SLC5A4: variants seen among roughly 807,000 people sequenced by gnomAD.
SLC5A4 encodes the protein probable glucose sensor protein SLC5A4.
In SLC5A4, 55 loss-of-function variants were observed where a neutral mutation model predicts 70.3. That is an observed-to-expected ratio of 0.78 (90% CI 0.63 to 0.98). The LOEUF (loss-of-function observed/expected upper bound fraction) is 0.98. Among genes scored for constraint, SLC5A4 ranks in the 50% least tolerant of loss-of-function variants. SLC5A4 has a pLI of 0.00. For missense variants in SLC5A4, 735 were observed against 839.2 expected (o/e 0.88, Z 1.53); for synonymous variants, 268 against 305.7 (o/e 0.88, Z 1.29).
intron 7 of SLC5A4, among the ~76,000 whole-genome samples, chr22:32,236,705 ATTT>A (rs551794690): frequency 1.4e-5 from 2 of 142,856 alleles, no homozygotes. Flanking sequence ...CTAAGCAGTA[ATTT>A]TTTTTTTTTT....
intron 9 of SLC5A4, 132 bp downstream of exon 9, chr22:32,232,767 C>T (rs1038636264): frequency 9.6e-6 from 11 of 1,142,090 alleles, no homozygotes; most frequent in Non-Finnish European, 1.2e-5. Flanking sequence ...ACTGTGCAGG[C>T]TGCTCCCTCC....
chr22:32,281,080 G>A, the SLC5A4 span, among the ~76,000 whole-genome samples: 1 of 152,152 alleles, frequency 6.6e-6, no homozygotes, highest in Non-Finnish European at 1.5e-5. Flanking sequence ...ATCATATTCC[G>A]AAATTAGACT....
At chr22:32,221,206 T>A (rs1219257376) in intron 13 of SLC5A4, among the ~76,000 whole-genome samples, 184 bp from the exon 14 acceptor site, 7 of 152,194 alleles carry the variant, frequency 4.6e-5, no homozygotes, top group Non-Finnish European at 1.5e-5. Context: ...ATTTTAAATT[T>A]TTTTCTGTTT....
chr22:32,324,271 A>ACATATGTATTTG, the SLC5A4 span, among the ~76,000 whole-genome samples: 1 of 139,116 alleles, frequency 7.2e-6, no homozygotes, highest in African/African-American at 2.5e-5. Context: ...ATATATGTAT[A>ACATATGTATTTG]TATATATACA....
chr22:32,306,437 G>C, the SLC5A4 span, among the ~76,000 whole-genome samples: 3 of 148,584 alleles, frequency 2.0e-5, no homozygotes, highest in Non-Finnish European at 4.4e-5. Context: ...CTGCACTCCA[G>C]CCTGGGCGAC....
chr22:32,248,951 T>C lies in SLC5A4; in HGVS notation c.313-149A>G. 3 of 591,280 alleles carry C rather than the reference T, an allele frequency of 5.1e-6. No homozygotes were observed. The South Asian group carries it at 7.4e-5, about 15-fold the overall frequency. The allele number at this position is 591,280 out of a possible 1,614,324, so 36.6% of individuals were successfully genotyped here. ...AACAACTATAATCCCAAGACAATTGTGAGTTCCTTTTTTTCTGTTTCTATG... is the reference window on the plus strand; with the variant it reads ...AACAACTATAATCCCAAGACAATTGCGAGTTCCTTTTTTTCTGTTTCTATG... On this transcript the variant is annotated intron_variant, in intron 3 of 14. Transcript: ENST00000266086.
At chr22:32,233,735 A>G (rs1267291600) in intron 8 of SLC5A4, among the ~76,000 whole-genome samples, 1 of 152,018 alleles carries the variant, frequency 6.6e-6, no homozygotes, top group Non-Finnish European at 1.5e-5. Context: ...GCCAAGACAG[A>G]AGGATTGCTG....
At chr22:32,304,752 T>A in the SLC5A4 span, among the ~76,000 whole-genome samples, 123 of 152,356 alleles carry the variant, frequency 8.1e-4, no homozygotes, top group African/African-American at 2.8e-3. Context: ...AACTTATCAA[T>A]TCTCTCTTTC....
chr22:32,350,349 T>C, the SLC5A4 span, among the ~76,000 whole-genome samples: 8,116 of 152,268 alleles, frequency 0.053, 271 homozygotes, highest in South Asian at 0.096. Flanking sequence ...AACCATCCTG[T>C]AAAAGTCTGC....
chr22:32,329,494 G>A, the SLC5A4 span, among the ~76,000 whole-genome samples: 1 of 150,964 alleles, frequency 6.6e-6, no homozygotes, highest in Non-Finnish European at 1.5e-5. Context: ...AGATGGGGAG[G>A]GGACGAGGCA....
chr22:32,220,833 G>A (rs2123859930), intron 14 of SLC5A4, 87 bp downstream of exon 14: 1 of 886,922 alleles, frequency 1.1e-6, no homozygotes, highest in East Asian at 2.4e-5. Context: ...CTTTTCGGAA[G>A]CTGGATTTAA....
intron 14 of SLC5A4, among the ~76,000 whole-genome samples, chr22:32,220,032 A>AACACAC (rs3069413): frequency 2.8e-4 from 42 of 149,790 alleles, no homozygotes; most frequent in African/African-American, 1.0e-3. Flanking sequence ...TAAGATGTGC[A>AACACAC]ACACACACAC....
upstream of SLC5A4, among the ~76,000 whole-genome samples, chr22:32,256,321 A>G (rs1480629705): frequency 6.6e-6 from 1 of 152,062 alleles, no homozygotes; most frequent in Non-Finnish European, 1.5e-5. Context: ...AACAAACAAA[A>G]AAAACAACAA....
At chr22:32,352,383 G>A in the SLC5A4 span, among the ~76,000 whole-genome samples, 39 of 150,536 alleles carry the variant, frequency 2.6e-4, no homozygotes, top group East Asian at 7.8e-4. Context: ...AAACATGCAC[G>A]TTGTGCTCAT....
In SLC5A4 at chr22:32,249,556, T is replaced by C. The variant is rs117945104; in HGVS notation, c.313-754A>G. Among the ~76,000 whole-genome samples, 835 of 152,242 alleles carry C rather than the reference T, an allele frequency of 5.5e-3. 8 individuals carry two copies. The highest frequency in any genetic ancestry group is 6.6e-3 in the Non-Finnish European group (446 of 68,014). On this transcript the variant is annotated intron_variant, in intron 3 of 14. Coordinates refer to ENST00000266086, the MANE Select transcript of SLC5A4 (RefSeq NM_014227.3). ...GACTCCTGGATACTACTGAAGTAAA[T>C]GTAGGGGCAAAATCTTCAGCAGGGG...
chr22:32,294,750 G>A, the SLC5A4 span, among the ~76,000 whole-genome samples: 4 of 136,742 alleles, frequency 2.9e-5, no homozygotes, highest in East Asian at 8.3e-4. Flanking sequence ...TGCCATGCTG[G>A]TGCGCTGCAC....
chr22:32,267,402 G>A, the SLC5A4 span, among the ~76,000 whole-genome samples: 1 of 152,152 alleles, frequency 6.6e-6, no homozygotes, highest in African/African-American at 2.4e-5. Context: ...GAACCTAGTG[G>A]AGCAGAGGTG....
the SLC5A4 span, among the ~76,000 whole-genome samples, chr22:32,309,725 C>T: frequency 6.6e-6 from 1 of 152,122 alleles, no homozygotes; most frequent in Non-Finnish European, 1.5e-5. Flanking sequence ...TCGGCTCCTC[C>T]ATGAGACAGC....
At chr22:32,238,319 C>T (rs1301028447) in intron 6 of SLC5A4, among the ~76,000 whole-genome samples, 1 of 152,204 alleles carries the variant, frequency 6.6e-6, no homozygotes, top group Non-Finnish European at 1.5e-5. Context: ...AGAAACTCCT[C>T]ATTTTGGAGA....
Sources: gnomAD v4.1 joint callset for allele counts (sites outside exome capture counted in the v4.1 genomes callset) on GRCh38, gnomAD v4.1.1 for gene constraint, MANE v1.5 for transcripts, NCBI Gene and HGNC (gene_info 2026-07-23, HGNC 2026-07-21) for gene names.